The following GRM8 variants were observed in gnomAD, a reference collection of about 807,000 sequenced individuals.
GRM8 encodes the protein glutamate metabotropic receptor 8.
GRM8 carries 47 observed loss-of-function variants against 87.2 expected under a neutral mutation model. The observed-to-expected ratio is 0.54, with a 90% CI of 0.43 to 0.69. The LOEUF is 0.69. Ranked by LOEUF, GRM8 falls within the 30% of genes least tolerant of loss-of-function variation. The probability of loss-of-function intolerance (pLI) is 0.00; values close to 1 mark genes in which losing one functional copy is unlikely to be tolerated. For synonymous variants in GRM8, 396 were observed against 404.5 expected (o/e 0.98, Z 0.25); for missense variants, 1,019 against 1,139.2 (o/e 0.89, Z 1.52).
chr7:127,005,064 G>A (rs1814137415), intron 3 of GRM8, among the ~76,000 whole-genome samples: 2 of 150,528 alleles, frequency 1.3e-5, no homozygotes, highest in African/African-American at 2.4e-5. Flanking sequence ...TTACGTATGT[G>A]AAGTCTTGGG....
At chr7:127,182,132 TCAAA>T (rs1794473061) in intron 2 of GRM8, among the ~76,000 whole-genome samples, 1 of 151,618 alleles carries the variant, frequency 6.6e-6, no homozygotes, top group African/African-American at 2.4e-5. Context: ...TACAATGAAC[TCAAA>T]CAAATCAATA....
At chr7:126,710,311 T>C (rs953640955) in intron 7 of GRM8, among the ~76,000 whole-genome samples, 18 of 152,168 alleles carry the variant, frequency 1.2e-4, no homozygotes, top group Non-Finnish European at 2.4e-4. Context: ...ACGGCATTGA[T>C]TGACATATCC....
intron 7 of GRM8, among the ~76,000 whole-genome samples, chr7:126,640,407 T>A (rs1327023317): frequency 6.6e-6 from 1 of 152,176 alleles, no homozygotes; most frequent in Non-Finnish European, 1.5e-5. Flanking sequence ...CAAAGCTAGT[T>A]TATTTTCTAG....
chr7:126,995,229 G>A (rs1421376253), intron 3 of GRM8, among the ~76,000 whole-genome samples: 1 of 152,116 alleles, frequency 6.6e-6, no homozygotes, highest in Non-Finnish European at 1.5e-5. Context: ...CAAGAAGAAT[G>A]AGCATAGAGC....
At chr7:126,880,040 G>A (rs1023624452) in intron 6 of GRM8, among the ~76,000 whole-genome samples, 30 of 152,070 alleles carry the variant, frequency 2.0e-4, no homozygotes, top group Admixed American at 9.8e-4. Context: ...TCAAACCCAG[G>A]CCTGCCTCAT....
intron 3 of GRM8, among the ~76,000 whole-genome samples, chr7:127,103,851 G>GTC (rs1825561338): frequency 6.6e-6 from 1 of 152,144 alleles, no homozygotes; most frequent in African/African-American, 2.4e-5. Context: ...TTTACCAAGT[G>GTC]TCTCCTGGCC....
intron 7 of GRM8, among the ~76,000 whole-genome samples, chr7:126,672,565 G>A (rs1806492165): frequency 6.6e-6 from 1 of 152,008 alleles, no homozygotes; most frequent in Non-Finnish European, 1.5e-5. Flanking sequence ...CTCCAAACTG[G>A]GAAAAGTTAA....
chr7:127,021,004 T>C (rs369013625), intron 3 of GRM8, among the ~76,000 whole-genome samples: 3 of 152,200 alleles, frequency 2.0e-5, no homozygotes, highest in South Asian at 4.1e-4. Context: ...GATTGTGTGA[T>C]GTGCAATTGC....
intron 2 of GRM8, among the ~76,000 whole-genome samples, chr7:127,173,174 C>G (rs1793915392): frequency 1.3e-5 from 2 of 152,008 alleles, no homozygotes; most frequent in African/African-American, 2.4e-5. Context: ...ACATAATGAA[C>G]AAGTAAATTA....
intron 3 of GRM8, among the ~76,000 whole-genome samples, chr7:126,920,530 A>C (rs2131357293): frequency 6.6e-6 from 1 of 152,250 alleles, no homozygotes; most frequent in South Asian, 2.1e-4. Context: ...AACAGAAACA[A>C]AGCTGGTGTT....
intron 8 of GRM8, among the ~76,000 whole-genome samples, chr7:126,541,766 C>T (rs529370012): frequency 2.6e-5 from 4 of 152,184 alleles, no homozygotes; most frequent in Admixed American, 2.0e-4. Flanking sequence ...AAGGTACATA[C>T]AAGAAAGATT....
intron 9 of GRM8, among the ~76,000 whole-genome samples, chr7:126,529,512 G>A (rs1246841718): frequency 1.3e-5 from 2 of 152,188 alleles, no homozygotes; most frequent in African/African-American, 4.8e-5. Flanking sequence ...TGCATCCTGA[G>A]GCCACTGGAA....
rs182866523 is a variant in GRM8, at chr7:126,508,632, C to T, written c.2430+24320G>A. Among the ~76,000 whole-genome samples the T allele has an allele frequency of 3.3e-5, 5 of 152,086 alleles. No homozygotes were observed. In the East Asian group the frequency reaches 9.7e-4, roughly 30 times the overall value. Reference sequence around the variant, plus strand: ...TTTTTCAGTAATATTTAGAGAAAAGCTTATTTCAGCAGAAGCAATAAATGT... The same window carrying T: ...TTTTTCAGTAATATTTAGAGAAAAGTTTATTTCAGCAGAAGCAATAAATGT... On this transcript the variant is annotated intron_variant, in intron 9 of 10. Transcript: ENST00000339582.
intron 9 of GRM8, among the ~76,000 whole-genome samples, chr7:126,483,789 C>A (rs1420254391): frequency 7.9e-6 from 1 of 126,500 alleles, no homozygotes; most frequent in Non-Finnish European, 1.6e-5. Flanking sequence ...CCCCTCCTCC[C>A]TTCCTTCCTT....
intron 3 of GRM8, among the ~76,000 whole-genome samples, chr7:126,960,688 T>C (rs1414929601): frequency 1.3e-5 from 2 of 152,204 alleles, no homozygotes; most frequent in African/African-American, 2.4e-5. Flanking sequence ...TTTTGGATGC[T>C]ATTTCCCCAG....
chr7:127,023,996 C>A (rs1816525842), intron 3 of GRM8, among the ~76,000 whole-genome samples: 1 of 152,118 alleles, frequency 6.6e-6, no homozygotes, highest in South Asian at 2.1e-4. Context: ...AGGACTATTT[C>A]ACGTGTTCCT....
chr7:126,770,988 AAAT>A (rs1348083079), intron 6 of GRM8, among the ~76,000 whole-genome samples: 2 of 152,072 alleles, frequency 1.3e-5, no homozygotes, highest in Non-Finnish European at 2.9e-5. Flanking sequence ...ATACAAGAAA[AAAT>A]TATGAAAGGG....
intron 7 of GRM8, among the ~76,000 whole-genome samples, chr7:126,750,254 C>T (rs982956451): frequency 3.9e-5 from 6 of 152,008 alleles, no homozygotes; most frequent in East Asian, 3.9e-4. Flanking sequence ...ATTCATATTA[C>T]CTTTTTTAAA....
At chr7:127,148,955 A>G (rs1828699794) in intron 2 of GRM8, among the ~76,000 whole-genome samples, 1 of 151,964 alleles carries the variant, frequency 6.6e-6, no homozygotes, top group Admixed American at 6.6e-5. Flanking sequence ...AAAGACCTAA[A>G]CATAAGACCA....
Sources: allele counts gnomAD v4.1 joint callset (sites outside exome capture counted in the v4.1 genomes callset), GRCh38; gene constraint gnomAD v4.1.1; transcripts MANE v1.5; gene names NCBI Gene and HGNC (gene_info 2026-07-23, HGNC 2026-07-21).